The following FLT1 variants were observed in gnomAD, a reference collection of about 807,000 sequenced individuals.
The protein encoded by FLT1 is vascular endothelial growth factor receptor 1.
A neutral mutation model predicts 156.3 loss-of-function variants in FLT1; 49 were observed. The ratio of observed to expected loss-of-function variants is 0.31; its 90% CI spans 0.25 to 0.40. The LOEUF (loss-of-function observed/expected upper bound fraction) is 0.40, where lower values mean the gene tolerates loss of function less well. Ranked by LOEUF, FLT1 falls within the 10% of genes least tolerant of loss-of-function variation. The probability of loss-of-function intolerance (pLI) is 1.00; values close to 1 mark genes in which losing one functional copy is unlikely to be tolerated. For missense variants in FLT1, 1,322 were observed against 1,637.2 expected (o/e 0.81, Z 3.32); for synonymous variants, 594 against 583.8 (o/e 1.02, Z -0.25).
At chr13:28,454,663 G>C (rs962257513) in intron 3 of FLT1, among the ~76,000 whole-genome samples, 3 of 152,200 alleles carry the variant, frequency 2.0e-5, no homozygotes, top group East Asian at 1.9e-4. Flanking sequence ...AATAAGACAA[G>C]AAAGGGAAAT....
intron 6 of FLT1, among the ~76,000 whole-genome samples, chr13:28,432,105 C>T (rs991857768): frequency 2.0e-5 from 3 of 151,934 alleles, no homozygotes; most frequent in Admixed American, 1.3e-4. Context: ...ATCACATTGC[C>T]GTCTCCTTTT....
In FLT1 at chr13:28,317,543, C is replaced by G; in HGVS notation, c.3341G>C (p.Arg1114Thr). Residue 1114 changes from arginine to threonine, a missense_variant, in exon 25 of 30, where the codon AGG (arginine) becomes ACG (threonine). Coordinates refer to ENST00000282397, the MANE Select transcript of FLT1 (RefSeq NM_002019.4). ...AGGAGCTCTCATCCTCATGCCTTCC[C>G]TCAGGCGACTGCAAAAGTCCTCATC... ...QMDEDFCSRL[R>T]EGMRMRAPEY... 6.2e-7 allele frequency: 1 copy of G among 1,614,068 alleles called. No homozygotes were observed. Among genetic ancestry groups the G allele is most frequent in the Non-Finnish European group, 8.5e-7 (1 of 1,179,938 alleles).
In FLT1 at chr13:28,399,991, G is replaced by A. The variant is rs558413286; in HGVS notation, c.1552-2923C>T. Among the ~76,000 whole-genome samples the A allele has an allele frequency of 1.2e-3, 186 of 152,252 alleles. 1 individual carries two copies. Among genetic ancestry groups the A allele is most frequent in the African/African-American group, 3.8e-3 (157 of 41,534 alleles). ...CTACAGGTAGGACAACTGAGGTTCC[G>A]AGAGATTAGATGATTCACCCAAAGA... On this transcript the variant is annotated intron_variant, in intron 11 of 29. Coordinates refer to ENST00000282397, the MANE Select transcript of FLT1 (RefSeq NM_002019.4).
intron 15 of FLT1, among the ~76,000 whole-genome samples, chr13:28,354,919 A>G (rs927745012): frequency 1.3e-5 from 2 of 152,246 alleles, no homozygotes; most frequent in Non-Finnish European, 1.5e-5. Context: ...TATGGCTAAC[A>G]GAAAGGTTTA....
chr13:28,458,220 C>A (rs1023373461), intron 3 of FLT1, among the ~76,000 whole-genome samples: 1 of 152,136 alleles, frequency 6.6e-6, no homozygotes, highest in Non-Finnish European at 1.5e-5. Flanking sequence ...CCACCACACC[C>A]GGCCCATCTT....
chr13:28,318,873 C>A (rs1398144528), intron 24 of FLT1, among the ~76,000 whole-genome samples: 3 of 152,166 alleles, frequency 2.0e-5, no homozygotes, highest in Non-Finnish European at 4.4e-5. Context: ...GATGTTATTG[C>A]AAGCAGAATA....
intron 20 of FLT1, 73 bp from the exon 21 acceptor site, chr13:28,323,019 GGCAATC>G: frequency 6.8e-7 from 1 of 1,481,120 alleles, no homozygotes; most frequent in East Asian, 2.3e-5. Flanking sequence ...TCCCTCAACT[GGCAATC>G]GCCTGATGAG....
At chr13:28,397,095 A>G (rs1875094924) in intron 11 of FLT1, 27 bp from the exon 12 acceptor site, 1 of 1,369,452 alleles carries the variant, frequency 7.3e-7, no homozygotes, top group Admixed American at 1.7e-5. Context: ...AACTTTAGCT[A>G]GCAACAGGAC....
rs751909538 is a variant in FLT1 at position 28,311,715 on chromosome 13, G to A, written c.3510C>T (p.Ile1170=). ...TTCCTGTCAGTATGGCATTGATTGG[G>A]ATGTAGTCTTTACCATCCTAAAATA... ...ANVQQDGKDY[I]PINAILTGNS... is the part of the protein sequence containing the mutation. The change falls in exon 27 of 30, where the codon ATC becomes ATT. Residue 1170 remains isoleucine, a synonymous_variant. Transcript: ENST00000282397. 1 of 1,613,946 alleles carries A rather than the reference G, an allele frequency of 6.2e-7. No homozygotes were observed. The highest frequency in any genetic ancestry group is 1.7e-5 in the Admixed American group (1 of 60,006).
intron 24 of FLT1, among the ~76,000 whole-genome samples, chr13:28,318,960 C>T (rs1176342487): frequency 2.0e-5 from 3 of 152,176 alleles, no homozygotes; most frequent in African/African-American, 4.8e-5. Flanking sequence ...ATATCAGAGG[C>T]ACTGGAAAGG....
intron 11 of FLT1, among the ~76,000 whole-genome samples, chr13:28,402,242 T>C (rs773441749): frequency 2.6e-4 from 39 of 152,224 alleles, no homozygotes; most frequent in Non-Finnish European, 3.8e-4. Context: ...CTGGGCAGGC[T>C]ACCATGTGAC....
intron 10 of FLT1, among the ~76,000 whole-genome samples, chr13:28,424,692 G>A (rs1006240424): frequency 1.3e-5 from 2 of 152,094 alleles, no homozygotes; most frequent in African/African-American, 2.4e-5. Context: ...ACATAGATAC[G>A]CCCTTTCACT....
intron 3 of FLT1, among the ~76,000 whole-genome samples, chr13:28,465,262 T>G (rs1879786613): frequency 6.6e-6 from 1 of 152,080 alleles, no homozygotes; most frequent in African/African-American, 2.4e-5. Flanking sequence ...TACCTCCCAC[T>G]CATATGTGGA....
At chr13:28,493,005 T>A (rs1881554216) in intron 1 of FLT1, among the ~76,000 whole-genome samples, 1 of 151,964 alleles carries the variant, frequency 6.6e-6, no homozygotes, top group South Asian at 2.1e-4. Context: ...TAAATTATAA[T>A]CTAAGAAAAA....
At chr13:28,427,729 G>A (rs765669100) in intron 9 of FLT1, 23 bp downstream of exon 9, 5 of 1,608,840 alleles carry the variant, frequency 3.1e-6, no homozygotes, top group Non-Finnish European at 4.3e-6. Flanking sequence ...AGAACCAGAA[G>A]AAAGTATGAA....
intron 29 of FLT1, among the ~76,000 whole-genome samples, chr13:28,306,080 C>T (rs374805410): frequency 2.0e-5 from 3 of 152,290 alleles, no homozygotes; most frequent in African/African-American, 4.8e-5. Context: ...GGTAGAGACT[C>T]GCACAGAGAA....
Position 28,301,427 on chromosome 13 carries a change from A to G in FLT1, c.*1740T>C, listed in dbSNP as rs1358704884. On this transcript the variant is annotated 3_prime_UTR_variant, in exon 30 of 30. Coordinates refer to ENST00000282397, the MANE Select transcript of FLT1 (RefSeq NM_002019.4). Reference sequence around the variant, plus strand: ...ACAAAAGCCGCTGCCAGGAGCCAGTAGGCTCACTAGGGAATGTGCTGATGA... The same window carrying G: ...ACAAAAGCCGCTGCCAGGAGCCAGTGGGCTCACTAGGGAATGTGCTGATGA... 4.3e-6 allele frequency: 1 copy of G among 233,088 alleles called. No homozygotes were observed. The highest frequency in any genetic ancestry group is 6.0e-5 in the East Asian group (1 of 16,582). 14.4% of individuals were successfully genotyped at this position (233,088 alleles called of 1,614,324 possible).
At chr13:28,432,327 C>A (rs1877743111) in intron 6 of FLT1, among the ~76,000 whole-genome samples, 1 of 152,130 alleles carries the variant, frequency 6.6e-6, no homozygotes, top group Non-Finnish European at 1.5e-5. Context: ...AACAGACAGA[C>A]ACATGTTGAG....
intron 15 of FLT1, among the ~76,000 whole-genome samples, chr13:28,356,932 G>A (rs1359994492): frequency 6.6e-6 from 1 of 152,224 alleles, no homozygotes; most frequent in East Asian, 1.9e-4. Flanking sequence ...CCATAGCCAG[G>A]GTAGGATTAG....
Sources: gnomAD v4.1 joint callset for allele counts (sites outside exome capture counted in the v4.1 genomes callset) on GRCh38, gnomAD v4.1.1 for gene constraint, MANE v1.5 for transcripts, NCBI Gene and HGNC (gene_info 2026-07-23, HGNC 2026-07-21) for gene names.